POTEH: variants seen among roughly 807,000 people sequenced by gnomAD.
The protein encoded by POTEH is ANKRD26-like family C member 3.
A neutral mutation model predicts 41.7 loss-of-function variants in POTEH; 6 were observed. That is an observed-to-expected ratio of 0.14 (90% confidence interval 0.08 to 0.28). The LOEUF is 0.28. Among genes scored for constraint, POTEH ranks in the 10% least tolerant of loss-of-function variants. The pLI is 1.00. For synonymous variants in POTEH, 38 were observed against 179.9 expected (o/e 0.21, Z 6.31); for missense variants, 115 against 533.5 (o/e 0.22, Z 7.73).
At position 15,690,594 on chromosome 22, in the gene POTEH, C is replaced by T. The variant is rs371550897; in HGVS notation, c.517C>T (p.Arg173Cys). 1.6e-4 allele frequency: 232 copies of T among 1,425,036 alleles called. 32 individuals carry two copies. The Middle Eastern group carries it at 2.1e-3, about 13-fold the overall frequency. 88.3% of individuals were successfully genotyped at this position (1,425,036 alleles called of 1,614,324 possible). The change falls in exon 1 of 11, where the codon CGT becomes TGT. Residue 173 changes from arginine to cysteine, a missense_variant. Transcript: ENST00000343518. The stretch of plus-strand genomic sequence containing the variant: ...TTTCATGGAGCCGAGGTACCACGTC[C>T]GTCGAGAAGATCTGGACAAGCTCCA... The part of the protein sequence containing the change: ...SAFMEPRYHV[R>C]REDLDKLHRA...
chr22:15,690,224 C>T lies in POTEH; in HGVS notation c.147C>T (p.His49=), dbSNP rs369197112. Residue 49 remains histidine, a synonymous_variant, in exon 1 of 11, where the codon CAC becomes CAT. Coordinates refer to ENST00000343518, the MANE Select transcript of POTEH (RefSeq NM_001136213.1). ...GCAACGTGGGCACTTCTGGAGACCA[C>T]GACGATTCTGCTATGAAGACACTCA... The part of the protein sequence containing the change: ...GKSNVGTSGD[H]DDSAMKTLRS... 4.8e-4 allele frequency: 674 copies of T among 1,396,768 alleles called. 6 individuals carry two copies. The African/African-American group carries it at 8.9e-3, about 18-fold the overall frequency. 86.5% of individuals were successfully genotyped at this position (1,396,768 alleles called of 1,614,324 possible).
chr22:15,696,024 C>A lies in POTEH; in HGVS notation c.921+206C>A, dbSNP rs1361884891. Among the ~76,000 whole-genome samples the A allele has an allele frequency of 3.6e-5, 2 of 56,182 alleles. 1 individual carries two copies. The highest frequency in any genetic ancestry group is 1.2e-4 in the African/African-American group (2 of 16,376). The allele number at this position is 56,182 out of a possible 152,430, so 36.9% of individuals were successfully genotyped here. A position where few individuals can be genotyped will look rare whatever the true frequency, so the allele number is the denominator to read the frequency against. ...GGGTACAGTTTTTTTTTTTTTAATG[C>A]ACTTGCGGTAAATACTTTTTTTTGA... On this transcript the variant is annotated intron_variant, in intron 3 of 10. Coordinates refer to ENST00000343518, the MANE Select transcript of POTEH (RefSeq NM_001136213.1).
chr22:15,703,481 TGGAACAAGA>T (rs1989602142), intron 6 of POTEH: 1 of 111,390 alleles, frequency 9.0e-6, no homozygotes. Context: ...TTGACTTTTT[TGGAACAAGA>T]TGTGTTCTTC....
rs555602182 is a variant in POTEH, at chr22:15,692,469, T to C, written c.632+1760T>C. On this transcript the variant is annotated intron_variant, in intron 1 of 10. Transcript: ENST00000343518. ...TTTTCTATTTAAGTTAGAGGAGGAA[T>C]GAAAGGCCAGGTGCAGTGGCTTACG... Among the ~76,000 whole-genome samples the C allele has an allele frequency of 8.2e-5, 12 of 146,054 alleles. No homozygotes were observed. In the South Asian group the frequency reaches 2.6e-3, roughly 32 times the overall value.
At chr22:15,714,191 T>C (rs1232479152) in intron 9 of POTEH, among the ~76,000 whole-genome samples, 11 of 148,878 alleles carry the variant, frequency 7.4e-5, no homozygotes, top group Non-Finnish European at 1.3e-4. Context: ...GCCAGTCATA[T>C]CTTGCACATG....
At chr22:15,692,009 A>AAAAATAAAAC (rs1409431481) in intron 1 of POTEH, among the ~76,000 whole-genome samples, 3 of 128,586 alleles carry the variant, frequency 2.3e-5, no homozygotes, top group African/African-American at 5.3e-5. Context: ...TATATATATA[A>AAAAATAAAAC]ATTTCTTTTT....
chr22:15,702,496 CA>C (rs1365226493), intron 5 of POTEH, among the ~76,000 whole-genome samples, 189 bp from the exon 6 acceptor site: 20 of 138,704 alleles, frequency 1.4e-4, no homozygotes, highest in Middle Eastern at 3.5e-3. Flanking sequence ...TTTCACCCTA[CA>C]TTTTTTTCTT....
Position 15,692,098 on chromosome 22 carries a change from T to C in POTEH, c.632+1389T>C, listed in dbSNP as rs1164343018. On this transcript the variant is annotated intron_variant, in intron 1 of 10. Coordinates refer to ENST00000343518, the MANE Select transcript of POTEH (RefSeq NM_001136213.1). ...TCAGCTCACTGCAACCTCTGCCTCA[T>C]AGGTTCAAGCAATTCTCTGCTTCAG... Among the ~76,000 whole-genome samples, 4 of 132,380 alleles carry C rather than the reference T, an allele frequency of 3.0e-5. 1 individual carries two copies. The highest frequency in any genetic ancestry group is 5.2e-5 in the Non-Finnish European group (3 of 57,984). The allele number at this position is 132,380 out of a possible 152,430, so 86.8% of individuals were successfully genotyped here.
chr22:15,710,305 G>GC (rs1467808475), intron 8 of POTEH, among the ~76,000 whole-genome samples: 2 of 152,370 alleles, frequency 1.3e-5, no homozygotes, highest in African/African-American at 4.8e-5. Flanking sequence ...GTTTCAGTGA[G>GC]CACCTTCGTG....
chr22:15,690,880 C>T (rs1453219236), intron 1 of POTEH, among the ~76,000 whole-genome samples, 171 bp downstream of exon 1: 5 of 129,938 alleles, frequency 3.8e-5, no homozygotes, highest in Non-Finnish European at 7.0e-5. Flanking sequence ...AGCAGCAACA[C>T]AAAAACAAAA....
At chr22:15,714,461 T>G in intron 9 of POTEH, among the ~76,000 whole-genome samples, 1 of 151,976 alleles carries the variant, frequency 6.6e-6, no homozygotes, top group African/African-American at 2.4e-5. Flanking sequence ...CTGTTTCTTA[T>G]CTCTTTTGCT....
intron 1 of POTEH, among the ~76,000 whole-genome samples, chr22:15,691,996 A>ATC (rs1989329501): frequency 8.0e-6 from 1 of 125,038 alleles, no homozygotes; most frequent in Non-Finnish European, 1.8e-5. Context: ...ATATATATAT[A>ATC]TATATATATA....
rs1457871269 is a variant in POTEH at position 15,717,259 on chromosome 22, T to A, written c.1521-2401T>A. On this transcript the variant is annotated intron_variant, in intron 9 of 10. Transcript: ENST00000343518. ...TGTGAATTGTGCTGCAGTAAACATA[T>A]GTGTGCGGGTGTCTTTGTGAGAGTA... Among the ~76,000 whole-genome samples the A allele has an allele frequency of 6.5e-5, 6 of 91,904 alleles. 2 individuals are homozygous for A. Among genetic ancestry groups the A allele is most frequent in the Non-Finnish European group, 1.4e-4 (6 of 41,494 alleles). 60.3% of individuals were successfully genotyped at this position (91,904 alleles called of 152,430 possible).
At chr22:15,703,630 G>C (rs1160930283) in intron 6 of POTEH, among the ~76,000 whole-genome samples, 1 of 148,188 alleles carries the variant, frequency 6.7e-6, no homozygotes, top group Non-Finnish European at 1.5e-5. Flanking sequence ...TATCATAAAA[G>C]TAGAAAAATG....
At chr22:15,713,415 A>G (rs1989860481) in intron 9 of POTEH, among the ~76,000 whole-genome samples, 1 of 152,284 alleles carries the variant, frequency 6.6e-6, no homozygotes, top group African/African-American at 2.4e-5. Flanking sequence ...TCCATTCATC[A>G]CGGTCTGTTT....
intron 9 of POTEH, among the ~76,000 whole-genome samples, chr22:15,711,358 G>A (rs879377670): frequency 1.3e-5 from 2 of 152,040 alleles, no homozygotes; most frequent in Non-Finnish European, 1.5e-5. Flanking sequence ...CACATAATAA[G>A]CAAAATACTC....
At chr22:15,697,130 T>C (rs1419274714) in intron 3 of POTEH, among the ~76,000 whole-genome samples, 1 of 145,758 alleles carries the variant, frequency 6.9e-6, no homozygotes, top group Non-Finnish European at 1.5e-5. Flanking sequence ...AGTTCGAGTC[T>C]AGCCTTGTCA....
At chr22:15,708,513 CAAAAAAAAA>C (rs1165699401) in intron 7 of POTEH, among the ~76,000 whole-genome samples, 1 of 7,240 alleles carries the variant, frequency 1.4e-4, no homozygotes, top group Non-Finnish European at 2.1e-4. Context: ...GACTCTGTGT[CAAAAAAAAA>C]AAAAAAAAAA....
At position 15,690,075 on chromosome 22, in the gene POTEH, C is replaced by G. The variant is rs1208505592; in HGVS notation, c.-3C>G. 1 of 1,399,184 alleles carries G rather than the reference C, an allele frequency of 7.1e-7. No homozygotes were observed. Among genetic ancestry groups the G allele is most frequent in the African/African-American group, 1.5e-5 (1 of 66,502 alleles). 86.7% of individuals were successfully genotyped at this position (1,399,184 alleles called of 1,614,324 possible). A position where few individuals can be genotyped will look rare whatever the true frequency, so the allele number is the denominator to read the frequency against. On this transcript the variant is annotated 5_prime_UTR_variant, in exon 1 of 11. Transcript: ENST00000343518. ...ACCGGCCTTCCCTGGCTGTTAAAAG[C>G]AGATGGTGGCTGAGGCTGGTTCAAT...
Sources: gnomAD v4.1 joint callset for allele counts (sites outside exome capture counted in the v4.1 genomes callset) on GRCh38, gnomAD v4.1.1 for gene constraint, MANE v1.5 for transcripts, NCBI Gene and HGNC (gene_info 2026-07-23, HGNC 2026-07-21) for gene names.